GNB4: variants seen among roughly 807,000 people sequenced by gnomAD.
GNB4 encodes the protein G protein subunit beta 4.
Under a neutral mutation model 45.2 loss-of-function variants are expected in GNB4, and 28 were observed. The ratio of observed to expected loss-of-function variants is 0.62; its 90% CI spans 0.46 to 0.85. The LOEUF (loss-of-function observed/expected upper bound fraction) is 0.85, where lower values mean the gene tolerates loss of function less well. GNB4 is among the 40% of genes least tolerant of loss of function. The pLI is 0.00. For missense variants in GNB4, 321 were observed against 425.4 expected (o/e 0.75, Z 2.16); for synonymous variants, 132 against 143.7 (o/e 0.92, Z 0.58).
chr3:179,464,814 T>A, the GNB4 span: 1 of 1,346,918 alleles, frequency 7.4e-7, no homozygotes, highest in South Asian at 1.2e-5. Context: ...GCTGATGGCT[T>A]TCATGTAATT....
intron 2 of GNB4, among the ~76,000 whole-genome samples, chr3:179,421,193 C>G (rs535390728): frequency 6.6e-6 from 1 of 152,132 alleles, no homozygotes; most frequent in African/African-American, 2.4e-5. Context: ...AAAAAGAAAC[C>G]CCATATCTCC....
intron 1 of GNB4, among the ~76,000 whole-genome samples, chr3:179,438,121 C>CA (rs966995973): frequency 7.9e-5 from 12 of 152,132 alleles, no homozygotes; most frequent in Admixed American, 3.9e-4. Context: ...TAAAAAGTAC[C>CA]AACTAGGAGT....
At chr3:179,502,567 G>A in the GNB4 span, among the ~76,000 whole-genome samples, 4 of 151,950 alleles carry the variant, frequency 2.6e-5, no homozygotes, top group Non-Finnish European at 5.9e-5. Context: ...GGTTGCCACC[G>A]TGAACAACAT....
intron 4 of GNB4, among the ~76,000 whole-genome samples, chr3:179,416,977 C>T (rs528280147): frequency 3.9e-5 from 6 of 152,216 alleles, no homozygotes; most frequent in South Asian, 2.1e-4. Context: ...AGAGGTACAA[C>T]GCAGGATACA....
chr3:179,485,000 G>GTTTTT, the GNB4 span, among the ~76,000 whole-genome samples: 2 of 124,218 alleles, frequency 1.6e-5, no homozygotes, highest in African/African-American at 6.6e-5. Flanking sequence ...AACTTTTTTC[G>GTTTTT]TTTTGTTTTT....
the GNB4 span, among the ~76,000 whole-genome samples, chr3:179,503,891 A>G: frequency 2.6e-5 from 4 of 152,192 alleles, no homozygotes; most frequent in Non-Finnish European, 5.9e-5. Context: ...CCAAGATTCA[A>G]AATACTACTC....
the GNB4 span, among the ~76,000 whole-genome samples, chr3:179,479,372 C>G: frequency 6.6e-6 from 1 of 152,156 alleles, no homozygotes; most frequent in South Asian, 2.1e-4. Flanking sequence ...CTGTCTGCCC[C>G]TGAAATCTAC....
At chr3:179,425,317 C>A (rs190992354) in intron 2 of GNB4, among the ~76,000 whole-genome samples, 3 of 152,326 alleles carry the variant, frequency 2.0e-5, no homozygotes, top group Admixed American at 2.0e-4. Context: ...TGCTTCACTG[C>A]ATTTGGCAAC....
At chr3:179,503,669 A>G in the GNB4 span, among the ~76,000 whole-genome samples, 2 of 152,234 alleles carry the variant, frequency 1.3e-5, no homozygotes, top group African/African-American at 4.8e-5. Flanking sequence ...GACTGTTGGA[A>G]GCATGATGTC....
chr3:179,512,012 A>G, the GNB4 span, among the ~76,000 whole-genome samples: 1 of 152,250 alleles, frequency 6.6e-6, no homozygotes, highest in African/African-American at 2.4e-5. Context: ...GAATTAAACT[A>G]TCCTAATAGA....
upstream of GNB4, among the ~76,000 whole-genome samples, chr3:179,455,787 C>T (rs1559985913): frequency 6.6e-6 from 1 of 152,178 alleles, no homozygotes; most frequent in African/African-American, 2.4e-5. Context: ...CAGACGTGTT[C>T]TCTGTTCCAT....
Position 179,443,901 on chromosome 3 carries a change from C to G in GNB4, c.-43+7445G>C, listed in dbSNP as rs372966237. 5.3e-5 allele frequency among the ~76,000 whole-genome samples: 8 copies of G among 152,324 alleles called. 2 individuals carry two copies. The highest frequency in any genetic ancestry group is 2.1e-4 in the South Asian group (1 of 4,822). On this transcript the variant is annotated intron_variant, in intron 1 of 9. Transcript: ENST00000232564. ...ATCATTCAAAGGGTCTTATCTCTAC[C>G]ATGCAGTTCGAATAGAATATTCATT...
chr3:179,412,527 AG>A (rs1714681336), intron 8 of GNB4, among the ~76,000 whole-genome samples: 3 of 152,092 alleles, frequency 2.0e-5, no homozygotes, highest in Admixed American at 6.6e-5. Context: ...TCTAATACCT[AG>A]TTTCATTTAG....
At chr3:179,452,626 T>C (rs969029310), upstream of GNB4, among the ~76,000 whole-genome samples, 13 of 152,218 alleles carry the variant, frequency 8.5e-5, no homozygotes, top group Non-Finnish European at 2.9e-5. Flanking sequence ...TGTTTGTGAC[T>C]GTGGGGAAAA....
At chr3:179,488,111 C>G in the GNB4 span, among the ~76,000 whole-genome samples, 1 of 152,058 alleles carries the variant, frequency 6.6e-6, no homozygotes, top group African/African-American at 2.4e-5. Context: ...ACTGATCCTC[C>G]TGTTCCAAAA....
chr3:179,464,346 A>G, the GNB4 span: 4 of 753,950 alleles, frequency 5.3e-6, no homozygotes, highest in Admixed American at 2.0e-5. Context: ...GGCACAGGCT[A>G]TGGCTGCGAC....
chr3:179,429,690 AG>A (rs1484924213), intron 1 of GNB4, among the ~76,000 whole-genome samples: 2 of 152,088 alleles, frequency 1.3e-5, no homozygotes, highest in Non-Finnish European at 2.9e-5. Flanking sequence ...CCTGGATGAA[AG>A]CAGCTACCTA....
chr3:179,485,820 G>C, the GNB4 span, among the ~76,000 whole-genome samples: 6 of 152,058 alleles, frequency 3.9e-5, no homozygotes, highest in African/African-American at 7.2e-5. Context: ...GGCCCCTGTA[G>C]TCGCAGCTAC....
chr3:179,502,228 C>CTTTTTTTTTTTTTTTTTT, the GNB4 span, among the ~76,000 whole-genome samples: 1 of 73,464 alleles, frequency 1.4e-5, no homozygotes, highest in Non-Finnish European at 2.5e-5. Flanking sequence ...TTTTTCTTTT[C>CTTTTTTTTTTTTTTTTTT]TTTTTTTTTT....
Sources: gnomAD v4.1 joint callset for allele counts (sites outside exome capture counted in the v4.1 genomes callset) on GRCh38, gnomAD v4.1.1 for gene constraint, MANE v1.5 for transcripts, NCBI Gene and HGNC (gene_info 2026-07-23, HGNC 2026-07-21) for gene names.